Variants in PCGF5 observed in about 807,000 individuals in gnomAD.
The protein encoded by PCGF5 is polycomb group ring finger 5, also known as polycomb group RING finger protein 5.
A neutral mutation model predicts 44.3 loss-of-function variants in PCGF5; 9 were observed. The observed-to-expected ratio is 0.20, with a 90% confidence interval of 0.12 to 0.35. The LOEUF is 0.35. Among genes scored for constraint, PCGF5 ranks in the 10% least tolerant of loss-of-function variants. The pLI, the probability that PCGF5 is intolerant of heterozygous loss-of-function variation, is 1.00. For missense variants in PCGF5, 146 were observed against 305.3 expected (o/e 0.48, Z 3.89); for synonymous variants, 95 against 102.5 (o/e 0.93, Z 0.44).
intron 2 of PCGF5, among the ~76,000 whole-genome samples, chr10:91,234,007 CAA>C (rs1375794244): frequency 2.6e-5 from 4 of 152,162 alleles, no homozygotes; most frequent in African/African-American, 9.7e-5. Flanking sequence ...AATTAGCACT[CAA>C]GAGCAGAAAT....
intron 3 of PCGF5, among the ~76,000 whole-genome samples, chr10:91,244,254 C>T (rs1489888476): frequency 2.0e-5 from 3 of 152,022 alleles, no homozygotes; most frequent in South Asian, 2.1e-4. Context: ...GAGACTTAAG[C>T]GAAGACTTGG....
At chr10:91,217,808 C>T (rs1232970861), upstream of PCGF5, among the ~76,000 whole-genome samples, 1 of 152,108 alleles carries the variant, frequency 6.6e-6, no homozygotes, top group Non-Finnish European at 1.5e-5. Context: ...TTTCTTTAGA[C>T]ATAGTCTCGC....
chr10:91,179,672 C>T (rs557113289), intron 1 of PCGF5, among the ~76,000 whole-genome samples: 2 of 152,324 alleles, frequency 1.3e-5, no homozygotes, highest in Admixed American at 1.3e-4. Flanking sequence ...CCACAAAGGA[C>T]ATGATCTTGT....
chr10:91,231,387 C>G (rs945015465), intron 2 of PCGF5, among the ~76,000 whole-genome samples: 1 of 152,260 alleles, frequency 6.6e-6, no homozygotes, highest in South Asian at 2.1e-4. Context: ...TGAGGTGTTA[C>G]AATTTTAAGT....
intron 1 of PCGF5, among the ~76,000 whole-genome samples, chr10:91,170,041 G>A (rs562273896): frequency 6.6e-6 from 1 of 152,184 alleles, no homozygotes; most frequent in African/African-American, 2.4e-5. Flanking sequence ...TTCAGCAAAT[G>A]GGTGAGGCTG....
chr10:91,177,092 T>A (rs1440231722), intron 1 of PCGF5, among the ~76,000 whole-genome samples: 1 of 152,248 alleles, frequency 6.6e-6, no homozygotes, highest in East Asian at 1.9e-4. Flanking sequence ...TTGGTGTGGA[T>A]GTCCTTTCTG....
intron 1 of PCGF5, among the ~76,000 whole-genome samples, chr10:91,214,355 C>T (rs996454640): frequency 1.1e-4 from 17 of 148,840 alleles, no homozygotes; most frequent in Admixed American, 6.0e-4. Context: ...GAATGTCATG[C>T]GAAGATAGAT....
intron 1 of PCGF5, among the ~76,000 whole-genome samples, chr10:91,206,324 A>G (rs1371432644): frequency 6.6e-6 from 1 of 152,190 alleles, no homozygotes; most frequent in Non-Finnish European, 1.5e-5. Flanking sequence ...TGTGAAAACA[A>G]GCACTAGATG....
At chr10:91,275,709 T>C (rs921817942) in intron 9 of PCGF5, among the ~76,000 whole-genome samples, 4 of 151,548 alleles carry the variant, frequency 2.6e-5, no homozygotes, top group Non-Finnish European at 5.9e-5. Flanking sequence ...CGCCTCGGGC[T>C]CCCAAAGTGC....
rs1844650603 is a variant in PCGF5 at position 91,220,733 on chromosome 10, C to G, written c.-287C>G. 1 of 152,026 alleles carries G rather than the reference C, an allele frequency of 6.6e-6. No homozygotes were observed. Among genetic ancestry groups the G allele is most frequent in the Non-Finnish European group, 1.5e-5 (1 of 68,126 alleles). The allele number at this position is 152,026 out of a possible 1,614,324, so 9.4% of individuals were successfully genotyped here. On this transcript the variant is annotated 5_prime_UTR_variant, in exon 1 of 10. Transcript: ENST00000336126. ...CTGCAGGGGGAGAGCAGACGGGGCG[C>G]GGGGACCGGCCAGGCCGCGGCGGGT... is the stretch of plus-strand genomic sequence containing the variant.
At chr10:91,263,120 C>T (rs1423635764) in intron 7 of PCGF5, among the ~76,000 whole-genome samples, 1 of 152,112 alleles carries the variant, frequency 6.6e-6, no homozygotes, top group Non-Finnish European at 1.5e-5. Flanking sequence ...CAGTTCCCCC[C>T]TTATTTTGCT....
At chr10:91,218,197 A>G (rs564892251), upstream of PCGF5, among the ~76,000 whole-genome samples, 1 of 152,360 alleles carries the variant, frequency 6.6e-6, no homozygotes, top group Non-Finnish European at 1.5e-5. Flanking sequence ...TGGCTCTACC[A>G]GAATCAGCTC....
At chr10:91,176,332 C>T (rs1251688144) in intron 1 of PCGF5, among the ~76,000 whole-genome samples, 1 of 152,236 alleles carries the variant, frequency 6.6e-6, no homozygotes, top group Non-Finnish European at 1.5e-5. Flanking sequence ...TTCTCTCTGA[C>T]TGCCCTTAAC....
chr10:91,244,595 G>A (rs574771433), intron 3 of PCGF5, among the ~76,000 whole-genome samples: 6 of 152,148 alleles, frequency 3.9e-5, no homozygotes, highest in South Asian at 2.1e-4. Flanking sequence ...TGAGAACACC[G>A]CGCGTATAAC....
intron 1 of PCGF5, among the ~76,000 whole-genome samples, chr10:91,202,234 G>A (rs1844267054): frequency 6.6e-6 from 1 of 152,150 alleles, no homozygotes; most frequent in Admixed American, 6.5e-5. Context: ...TGTTTTTATG[G>A]TTCTTCTGTC....
At chr10:91,230,127 C>A (rs925133743) in intron 2 of PCGF5, among the ~76,000 whole-genome samples, 2 of 152,190 alleles carry the variant, frequency 1.3e-5, no homozygotes, top group Admixed American at 6.5e-5. Context: ...TTGAGCAAAA[C>A]GTCATAGTGG....
chr10:91,283,885 CA>C lies in PCGF5; in HGVS notation c.*5572del, dbSNP rs1846510783. The C allele has an allele frequency of 6.6e-6, 1 of 152,620 alleles. No individual in the cohort carries two copies. Among genetic ancestry groups the C allele is most frequent in the South Asian group, 2.1e-4 (1 of 4,824 alleles). The allele number at this position is 152,620 out of a possible 1,614,324, so 9.5% of individuals were successfully genotyped here. ...TGTCAAAAGTGGTAACATCTTAATA[CA>C]AATAAAAACCTTTTTGTGGTTGTAA... On this transcript the variant is annotated 3_prime_UTR_variant, in exon 10 of 10. Coordinates refer to ENST00000336126, the MANE Select transcript of PCGF5 (RefSeq NM_032373.5).
intron 9 of PCGF5, among the ~76,000 whole-genome samples, chr10:91,272,510 C>T (rs911001138): frequency 6.6e-6 from 1 of 152,030 alleles, no homozygotes; most frequent in Non-Finnish European, 1.5e-5. Context: ...CGGTGGCTCA[C>T]CTCTGTAATC....
Position 91,280,012 on chromosome 10 carries a change from C to A in PCGF5, c.*1696C>A, listed in dbSNP as rs1351768128. 6.6e-6 allele frequency: 1 copy of A among 151,654 alleles called. No homozygotes were observed. Among genetic ancestry groups the A allele is most frequent in the Non-Finnish European group, 1.5e-5 (1 of 67,824 alleles). The allele number at this position is 151,654 out of a possible 1,614,324, so 9.4% of individuals were successfully genotyped here. A position where few individuals can be genotyped will look rare whatever the true frequency, so the allele number is the denominator to read the frequency against. ...CTATTAAATTTTTCTGTTGTTGTTC[C>A]AACTTTGGTGAAAAAGGTTATGGCA... On this transcript the variant is annotated 3_prime_UTR_variant, in exon 10 of 10. Transcript: ENST00000336126.
Sources: gnomAD v4.1 joint callset for allele counts (sites outside exome capture counted in the v4.1 genomes callset) on GRCh38, gnomAD v4.1.1 for gene constraint, MANE v1.5 for transcripts, NCBI Gene and HGNC (gene_info 2026-07-23, HGNC 2026-07-21) for gene names.